The following RTKN2 variants were observed in gnomAD, a reference collection of about 807,000 sequenced individuals.
The protein encoded by RTKN2 is rhotekin-2.
RTKN2 carries 69 observed loss-of-function variants against 71.5 expected under a neutral mutation model. The ratio of observed to expected loss-of-function variants is 0.96; its 90% CI spans 0.79 to 1.18. The LOEUF (loss-of-function observed/expected upper bound fraction) is 1.18. RTKN2 is among the 50% of genes most tolerant of loss of function. The pLI is 0.00. For missense variants in RTKN2, 724 were observed against 719.7 expected (o/e 1.01, Z -0.07); for synonymous variants, 236 against 236.5 (o/e 1.00, Z 0.02).
At chr10:62,245,367 T>A (rs1212176147) in intron 3 of RTKN2, among the ~76,000 whole-genome samples, 1 of 152,192 alleles carries the variant, frequency 6.6e-6, no homozygotes, top group Non-Finnish European at 1.5e-5. Context: ...GCATGGGTTA[T>A]GTTGCCAGGA....
Position 62,239,682 on chromosome 10 carries a change from T to C in RTKN2, c.454A>G (p.Ile152Val), listed in dbSNP as rs777456933. Residue 152 changes from isoleucine to valine, a missense_variant, in exon 5 of 12, where the codon ATC (isoleucine) becomes GTC (valine). By Grantham distance (29) the Ile-to-Val change is conservative. Transcript: ENST00000373789. ...ACATTTTCAAAACATATATCTGTGA[T>C]TGTTTTATCCACATTCACCACATCA... ...DTDVVNVDKT[I>V]TDICFENVTI... The C allele has an allele frequency of 6.5e-6, 10 of 1,547,170 alleles. No individual in the cohort carries two copies. The Admixed American group carries it at 1.4e-4, about 22-fold the overall frequency.
intron 2 of RTKN2, chr10:62,259,149 G>C: frequency 2.2e-6 from 1 of 448,888 alleles, no homozygotes. Flanking sequence ...ATAAAGGGCA[G>C]TTCCCCTGCA....
chr10:62,205,080 CA>C, intron 9 of RTKN2, 58 bp from the exon 10 acceptor site: 1 of 1,346,452 alleles, frequency 7.4e-7, no homozygotes, highest in Non-Finnish European at 1.0e-6. Context: ...AATGATCAAA[CA>C]AATGTTTTAT....
chr10:62,204,709 G>C, intron 10 of RTKN2, 148 bp downstream of exon 10: 1 of 497,620 alleles, frequency 2.0e-6, no homozygotes, highest in Non-Finnish European at 3.4e-6. Flanking sequence ...ACAGAAAGAA[G>C]CATCAGTGCA....
Position 62,198,370 on chromosome 10 carries a change from C to A in RTKN2, c.1368G>T (p.Gln456His), listed in dbSNP as rs73281918. 4 of 1,608,182 alleles carry A rather than the reference C, an allele frequency of 2.5e-6. No homozygotes were observed. The highest frequency in any genetic ancestry group is 2.2e-5 in the East Asian group (1 of 44,822). Residue 456 changes from glutamine (Q) to histidine (H), a missense_variant, in exon 12 of 12, where the codon CAG becomes CAT. Coordinates refer to ENST00000373789, the MANE Select transcript of RTKN2 (RefSeq NM_145307.4). Reference sequence around the variant, plus strand: ...ATTCTTCATGCTGACCAATAAGGAACTGCCCATTTGTCTCTTCAATTTTTT... The same window carrying A: ...ATTCTTCATGCTGACCAATAAGGAAATGCCCATTTGTCTCTTCAATTTTTT... ...IQKKIEETNG[Q>H]FLIGQHEESL...
At chr10:62,207,677 G>A (rs944510661) in intron 9 of RTKN2, among the ~76,000 whole-genome samples, 3 of 152,030 alleles carry the variant, frequency 2.0e-5, no homozygotes, top group South Asian at 2.1e-4. Flanking sequence ...GTAATTCCCT[G>A]CCTCCCCCCC....
chr10:62,268,125 T>C (rs190775812), intron 1 of RTKN2, among the ~76,000 whole-genome samples: 1 of 152,340 alleles, frequency 6.6e-6, no homozygotes. Flanking sequence ...TTCTGTGTTG[T>C]GTGTAGACAT....
At position 62,268,702 on chromosome 10, in the gene RTKN2, G is replaced by A. The variant is rs1431861957; in HGVS notation, c.-92C>T. ...GCAGGAGCCGCAGAGGACGCCAACC[G>A]CCCGGCCGTACCAAGTCCCAGTCGC... On this transcript the variant is annotated 5_prime_UTR_variant, in exon 1 of 12. Transcript: ENST00000373789. 1.0e-5 allele frequency: 14 copies of A among 1,341,370 alleles called. No individual in the cohort carries two copies. Among genetic ancestry groups the A allele is most frequent in the Non-Finnish European group, 1.3e-5 (13 of 973,908 alleles). The allele number at this position is 1,341,370 out of a possible 1,614,324, so 83.1% of individuals were successfully genotyped here.
intron 5 of RTKN2, chr10:62,238,211 G>C (rs1842297957): frequency 6.6e-6 from 1 of 151,888 alleles, no homozygotes; most frequent in Non-Finnish European, 1.5e-5. Context: ...TCCTGGTAAT[G>C]ACTAACAAAT....
intron 7 of RTKN2, among the ~76,000 whole-genome samples, chr10:62,222,520 A>G (rs568068343): frequency 2.6e-5 from 4 of 152,300 alleles, no homozygotes; most frequent in African/African-American, 9.6e-5. Context: ...TATCAATCTT[A>G]TCAGTACAGA....
Position 62,193,974 on chromosome 10 carries a change from T to TA in RTKN2, c.*3933dup. 1.0e-6 allele frequency: 1 copy of TA among 985,028 alleles called. No homozygotes were observed. Among genetic ancestry groups the TA allele is most frequent in the Non-Finnish European group, 1.2e-6 (1 of 829,634 alleles). The allele number at this position is 985,028 out of a possible 1,614,324, so 61.0% of individuals were successfully genotyped here. Reference sequence around the variant, plus strand: ...AATCAGTCTAGTCTAGAGGAGCACTTAAAGAGAAAAAGTTAGAAAACGTCT... The same window carrying TA: ...AATCAGTCTAGTCTAGAGGAGCACTTAAAAGAGAAAAAGTTAGAAAACGTCT... On this transcript the variant is annotated 3_prime_UTR_variant, in exon 12 of 12. Transcript: ENST00000373789.
chr10:62,264,486 C>T (rs1842833629), intron 1 of RTKN2, among the ~76,000 whole-genome samples: 1 of 152,152 alleles, frequency 6.6e-6, no homozygotes, highest in South Asian at 2.1e-4. Flanking sequence ...GTAAATTCTT[C>T]TTCAATGTAA....
At position 62,224,928 on chromosome 10, in the gene RTKN2, T is replaced by C. The variant is rs528715362; in HGVS notation, c.687-1596A>G. ...GCTCACCTGGAGGCTCTGTGAGCCC[T>C]GGAAGAGGAGTGGATTTAATTCTAA... On this transcript the variant is annotated intron_variant, in intron 6 of 11. Transcript: ENST00000373789. Among the ~76,000 whole-genome samples the C allele has an allele frequency of 2.5e-4, 38 of 152,262 alleles. 1 individual carries two copies. The highest frequency in any genetic ancestry group is 8.9e-4 in the African/African-American group (37 of 41,554).
chr10:62,184,216 G>A (rs1441954611), exon 9 of RTKN2: 1 of 691,618 alleles, frequency 1.4e-6, no homozygotes, highest in Non-Finnish European at 2.4e-6. Context: ...AGGAATACAG[G>A]AAGGAGACGC....
At chr10:62,212,245 T>C (rs1036533758) in intron 9 of RTKN2, among the ~76,000 whole-genome samples, 6 of 151,928 alleles carry the variant, frequency 3.9e-5, no homozygotes, top group Admixed American at 1.3e-4. Flanking sequence ...GGTAGGTGCC[T>C]ATAATCCCAG....
chr10:62,225,449 C>T (rs995391413), intron 6 of RTKN2, among the ~76,000 whole-genome samples: 2 of 152,202 alleles, frequency 1.3e-5, no homozygotes, highest in Admixed American at 6.5e-5. Context: ...AAGTTGAGTG[C>T]AATTCATGTG....
intron 6 of RTKN2, among the ~76,000 whole-genome samples, chr10:62,234,450 A>G (rs1043456511): frequency 1.3e-5 from 2 of 150,982 alleles, no homozygotes; most frequent in African/African-American, 4.9e-5. Context: ...GGGAGCTGAG[A>G]GCTCCACTGC....
chr10:62,206,086 G>T (rs1166775214), intron 9 of RTKN2, among the ~76,000 whole-genome samples: 1 of 152,090 alleles, frequency 6.6e-6, no homozygotes, highest in Non-Finnish European at 1.5e-5. Context: ...ATATGTTGAA[G>T]GCTTTCATAC....
intron 11 of RTKN2, among the ~76,000 whole-genome samples, chr10:62,198,800 A>G (rs2132796969): frequency 6.6e-6 from 1 of 152,322 alleles, no homozygotes; most frequent in East Asian, 1.9e-4. Context: ...TCTATAGATT[A>G]AGTATTTATG....
Sources: allele counts gnomAD v4.1 joint callset (sites outside exome capture counted in the v4.1 genomes callset), GRCh38; gene constraint gnomAD v4.1.1; transcripts MANE v1.5; gene names NCBI Gene and HGNC (gene_info 2026-07-23, HGNC 2026-07-21).